Variants in SOX5 observed in about 807,000 individuals in gnomAD.
The protein encoded by SOX5 is SRY-box transcription factor 5, also known as transcription factor SOX-5.
In SOX5, 9 loss-of-function variants were observed where a neutral mutation model predicts 92.0. That is an observed-to-expected ratio of 0.10 (90% CI 0.06 to 0.17). The LOEUF is 0.17. Among genes scored for constraint, SOX5 ranks in the 10% least tolerant of loss-of-function variants. The probability of loss-of-function intolerance (pLI) is 1.00; values close to 1 mark genes in which losing one functional copy is unlikely to be tolerated. For missense variants in SOX5, 642 were observed against 944.5 expected, an observed-to-expected ratio of 0.68 and a Z score of 4.20; for synonymous variants, 344 against 336.3, an observed-to-expected ratio of 1.02 and a Z score of -0.25.
intron 4 of SOX5, among the ~76,000 whole-genome samples, chr12:23,999,099 G>T (rs1314221851): frequency 1.3e-5 from 2 of 150,932 alleles, no homozygotes; most frequent in Non-Finnish European, 2.9e-5. Context: ...GAAGCAGCAG[G>T]ATAGGACAAT....
chr12:24,120,046 C>G (rs971159574), intron 4 of SOX5, among the ~76,000 whole-genome samples: 1 of 152,138 alleles, frequency 6.6e-6, no homozygotes, highest in South Asian at 2.1e-4. Context: ...TAAGAATAAA[C>G]CACTATTTAT....
intron 1 of SOX5, among the ~76,000 whole-genome samples, chr12:23,912,268 T>A (rs566391743): frequency 7.9e-5 from 12 of 152,116 alleles, no homozygotes; most frequent in African/African-American, 1.2e-4. Context: ...GCATTAGTTA[T>A]CAAGGAAATG....
chr12:23,896,500 T>C (rs1018321971), intron 1 of SOX5, among the ~76,000 whole-genome samples: 1 of 152,188 alleles, frequency 6.6e-6, no homozygotes, highest in African/African-American at 2.4e-5. Flanking sequence ...TTACATTTTA[T>C]TGAAAGTAAG....
intron 8 of SOX5, among the ~76,000 whole-genome samples, chr12:23,621,429 G>A (rs541570922): frequency 2.0e-5 from 3 of 152,008 alleles, no homozygotes; most frequent in African/African-American, 7.2e-5. Flanking sequence ...ACACTTAAAC[G>A]TGGTTAAAAT....
intron 3 of SOX5, among the ~76,000 whole-genome samples, chr12:23,803,551 A>T (rs1285735116): frequency 6.6e-6 from 1 of 152,102 alleles, no homozygotes; most frequent in Non-Finnish European, 1.5e-5. Flanking sequence ...CCTACCTTTG[A>T]TCCATAACTC....
At chr12:23,830,288 C>T (rs886117406) in intron 3 of SOX5, among the ~76,000 whole-genome samples, 1 of 152,078 alleles carries the variant, frequency 6.6e-6, no homozygotes, top group Non-Finnish European at 1.5e-5. Flanking sequence ...TTATGAGTGT[C>T]GATTTCCATA....
At chr12:23,808,828 C>T (rs1468868490) in intron 3 of SOX5, among the ~76,000 whole-genome samples, 1 of 152,110 alleles carries the variant, frequency 6.6e-6, no homozygotes, top group Admixed American at 6.5e-5. Context: ...TATTCTAGCA[C>T]ATATGTGTGA....
At chr12:24,394,428 C>T (rs1281691370) in intron 1 of SOX5, among the ~76,000 whole-genome samples, 3 of 152,160 alleles carry the variant, frequency 2.0e-5, no homozygotes, top group African/African-American at 4.8e-5. Flanking sequence ...ACTGATGTTG[C>T]TATTCTTAGC....
At chr12:24,349,859 T>C (rs1048031967) in intron 2 of SOX5, among the ~76,000 whole-genome samples, 2 of 152,206 alleles carry the variant, frequency 1.3e-5, no homozygotes, top group Non-Finnish European at 2.9e-5. Context: ...GGGACTGCTG[T>C]ACTGTGTTAG....
At chr12:23,931,872 G>A (rs1400372073) in intron 1 of SOX5, among the ~76,000 whole-genome samples, 2 of 151,382 alleles carry the variant, frequency 1.3e-5, no homozygotes, top group Non-Finnish European at 3.0e-5. Context: ...AATATTTTTA[G>A]ATTACCTGCA....
At chr12:23,946,954 G>C (rs1944692186) in intron 1 of SOX5, among the ~76,000 whole-genome samples, 1 of 151,820 alleles carries the variant, frequency 6.6e-6, no homozygotes, top group Admixed American at 6.6e-5. Flanking sequence ...TTTAACAACT[G>C]CTTATTAGTC....
chr12:24,538,063 C>CATT, intron 1 of SOX5, among the ~76,000 whole-genome samples: 1 of 152,162 alleles, frequency 6.6e-6, no homozygotes, highest in African/African-American at 2.4e-5. Flanking sequence ...TAACGGGAAG[C>CATT]AATATTCTCC....
At chr12:24,273,372 T>C (rs903520670) in intron 3 of SOX5, among the ~76,000 whole-genome samples, 1 of 152,254 alleles carries the variant, frequency 6.6e-6, no homozygotes, top group Non-Finnish European at 1.5e-5. Flanking sequence ...ATTTCCTTTA[T>C]AGTTATAGAA....
At chr12:24,110,987 G>T (rs1015753447) in intron 4 of SOX5, among the ~76,000 whole-genome samples, 1 of 150,422 alleles carries the variant, frequency 6.6e-6, no homozygotes, top group African/African-American at 2.4e-5. Context: ...GCTAAGCCAG[G>T]ATTTCTCGAC....
intron 1 of SOX5, among the ~76,000 whole-genome samples, chr12:23,934,378 T>C (rs984706696): frequency 6.6e-6 from 1 of 150,408 alleles, no homozygotes; most frequent in African/African-American, 2.4e-5. Context: ...CAAAAATCAA[T>C]TTTATATATT....
At chr12:24,555,382 G>C (rs890844658) in intron 1 of SOX5, among the ~76,000 whole-genome samples, 1 of 152,104 alleles carries the variant, frequency 6.6e-6, no homozygotes, top group Non-Finnish European at 1.5e-5. Context: ...ATTAATGGAA[G>C]ATAAATGAAC....
chr12:23,565,265 T>C (rs1400025069), intron 10 of SOX5, among the ~76,000 whole-genome samples: 1 of 152,214 alleles, frequency 6.6e-6, no homozygotes, highest in Non-Finnish European at 1.5e-5. Flanking sequence ...TCATTCTTAA[T>C]GTATAATTCT....
Position 24,424,808 on chromosome 12 carries a change from T to TGG in SOX5, c.-250-56171_-250-56170dup, listed in dbSNP as rs60026658. Among the ~76,000 whole-genome samples the TGG allele has an allele frequency of 5.9e-3, 812 of 138,404 alleles. 16 individuals carry two copies. The highest frequency in any genetic ancestry group is 0.017 in the African/African-American group (635 of 36,608). 90.8% of individuals were successfully genotyped at this position (138,404 alleles called of 152,430 possible). A position where few individuals can be genotyped will look rare whatever the true frequency, so the allele number is the denominator to read the frequency against. On this transcript the variant is annotated intron_variant, in intron 1 of 4. Coordinates refer to the SOX5 transcript ENST00000446891. ...CTCTTTTCTTTGTGAGTTTTTTTTTTGGGGGGGGGGGATGGCTGTTTTTCC... is the reference window on the plus strand; with the variant it reads ...CTCTTTTCTTTGTGAGTTTTTTTTTTGGGGGGGGGGGGGATGGCTGTTTTTCC...
intron 6 of SOX5, among the ~76,000 whole-genome samples, chr12:23,681,852 T>C (rs955947766): frequency 1.3e-5 from 2 of 151,828 alleles, no homozygotes; most frequent in Non-Finnish European, 3.0e-5. Context: ...TAGTTTATAA[T>C]GAACTAACAC....
Sources: allele counts gnomAD v4.1 joint callset (sites outside exome capture counted in the v4.1 genomes callset), GRCh38; gene constraint gnomAD v4.1.1; transcripts MANE v1.5; gene names NCBI Gene and HGNC (gene_info 2026-07-23, HGNC 2026-07-21).